The following LRRC20 variants were observed in gnomAD, a reference collection of about 807,000 sequenced individuals.
LRRC20 encodes leucine-rich repeat-containing protein 20.
In LRRC20, 11 loss-of-function variants were observed where a neutral mutation model predicts 14.4. The ratio of observed to expected loss-of-function variants is 0.77; its 90% CI spans 0.48 to 1.27. LRRC20 has a LOEUF of 1.27. LRRC20 is among the 50% of genes most tolerant of loss of function. The pLI is 0.00. For synonymous variants in LRRC20, 121 were observed against 107.3 expected (o/e 1.13, Z -0.79); for missense variants, 219 against 251.2 (o/e 0.87, Z 0.87).
intron 2 of LRRC20, among the ~76,000 whole-genome samples, chr10:70,358,314 C>T (rs949668171): frequency 6.6e-6 from 1 of 152,118 alleles, no homozygotes; most frequent in Non-Finnish European, 1.5e-5. Flanking sequence ...GGGCAGAGGG[C>T]GAGGGGGCAG....
At chr10:70,370,046 AAAAATAAT>A (rs1228151660) in intron 2 of LRRC20, among the ~76,000 whole-genome samples, 3 of 152,158 alleles carry the variant, frequency 2.0e-5, no homozygotes, top group African/African-American at 7.2e-5. Flanking sequence ...CTTGATAATA[AAAAATAAT>A]AAAATAATAA....
At position 70,309,544 on chromosome 10, in the gene LRRC20, C is replaced by T. The variant is rs12243851; in HGVS notation, c.401-8036G>A. On this transcript the variant is annotated intron_variant, in intron 4 of 4. Transcript: ENST00000446961. The stretch of plus-strand genomic sequence containing the variant: ...ACAATGACAGGCAAGTTTCACTGAG[C>T]GATTCAGTAAGGACTGAAGCCCGGG... 7.9e-3 allele frequency among the ~76,000 whole-genome samples: 1,208 copies of T among 152,328 alleles called. 16 individuals are homozygous for T. Among genetic ancestry groups the T allele is most frequent in the African/African-American group, 0.028 (1,152 of 41,572 alleles).
At chr10:70,377,530 G>A (rs1460965117) in intron 1 of LRRC20, among the ~76,000 whole-genome samples, 1 of 152,092 alleles carries the variant, frequency 6.6e-6, no homozygotes, top group African/African-American at 2.4e-5. Context: ...TATAAAAATA[G>A]CAGCACCCCA....
intron 4 of LRRC20, among the ~76,000 whole-genome samples, chr10:70,304,717 C>T (rs1475334327): frequency 1.3e-5 from 2 of 151,878 alleles, no homozygotes; most frequent in Non-Finnish European, 2.9e-5. Flanking sequence ...CCATCCCTCC[C>T]TCCTCCCAGC....
chr10:70,352,200 A>G (rs566475740), intron 2 of LRRC20, among the ~76,000 whole-genome samples: 132 of 150,472 alleles, frequency 8.8e-4, no homozygotes, highest in African/African-American at 3.0e-3. Flanking sequence ...GTTTCACTTA[A>G]TAACTTGTAA....
intron 2 of LRRC20, among the ~76,000 whole-genome samples, chr10:70,375,753 T>G (rs1209436993): frequency 2.2e-5 from 1 of 46,232 alleles, no homozygotes; most frequent in Non-Finnish European, 4.7e-5. Flanking sequence ...ACAAACACAC[T>G]CGGGCACATG....
At chr10:70,309,792 G>C (rs1841576313) in intron 4 of LRRC20, among the ~76,000 whole-genome samples, 1 of 152,264 alleles carries the variant, frequency 6.6e-6, no homozygotes, top group Admixed American at 6.5e-5. Context: ...ACAGTGGCTA[G>C]TACTTCTGAG....
chr10:70,344,032 C>A (rs962265159), intron 2 of LRRC20, among the ~76,000 whole-genome samples: 2 of 152,014 alleles, frequency 1.3e-5, no homozygotes, highest in African/African-American at 4.8e-5. Flanking sequence ...GACCCTGTCT[C>A]TACAGAAAAC....
At chr10:70,320,322 G>C (rs939483890) in intron 4 of LRRC20, among the ~76,000 whole-genome samples, 3 of 152,028 alleles carry the variant, frequency 2.0e-5, no homozygotes, top group African/African-American at 7.3e-5. Flanking sequence ...TAGATAGATA[G>C]ATAGATAGAT....
At chr10:70,358,349 C>T (rs1843605818) in intron 2 of LRRC20, among the ~76,000 whole-genome samples, 1 of 152,218 alleles carries the variant, frequency 6.6e-6, no homozygotes, top group Non-Finnish European at 1.5e-5. Flanking sequence ...GAGAGCCACA[C>T]CCGCTGAACC....
chr10:70,310,471 T>C (rs993006021), intron 4 of LRRC20, among the ~76,000 whole-genome samples: 1 of 152,138 alleles, frequency 6.6e-6, no homozygotes, highest in African/African-American at 2.4e-5. Context: ...AAATCCCAGC[T>C]CAAGGGCGGC....
chr10:70,340,683 C>A lies in LRRC20; in HGVS notation c.102G>T (p.Leu34=), dbSNP rs765281636. ...SDTLDLAECK[L]VSFPIGIYKV... is the part of the protein sequence containing the mutation. ...TGTAGATGCCAATGGGAAAGGAGACCAGCTTGCACTCGGCCAGGTCTGCAG... is the reference window on the plus strand; with the variant it reads ...TGTAGATGCCAATGGGAAAGGAGACAAGCTTGCACTCGGCCAGGTCTGCAG... Residue 34 remains leucine (L), a synonymous_variant, in exon 3 of 5, where the codon CTG becomes CTT. Transcript: ENST00000446961. 12 of 1,614,076 alleles carry A rather than the reference C, an allele frequency of 7.4e-6. No homozygotes were observed. Among genetic ancestry groups the A allele is most frequent in the Non-Finnish European group, 1.0e-5 (12 of 1,180,050 alleles).
At chr10:70,311,819 C>T (rs908240669) in intron 4 of LRRC20, among the ~76,000 whole-genome samples, 2 of 152,182 alleles carry the variant, frequency 1.3e-5, no homozygotes, top group Middle Eastern at 3.2e-3. Context: ...CCACTGTAGA[C>T]AGCCACCCTG....
chr10:70,306,102 G>GTCTCTCTC (rs55733521), intron 4 of LRRC20, among the ~76,000 whole-genome samples: 8 of 144,518 alleles, frequency 5.5e-5, no homozygotes, highest in African/African-American at 2.1e-4. Context: ...TGCATTTTCT[G>GTCTCTCTC]TCTCTCTCTC....
chr10:70,368,566 C>T lies in LRRC20; in HGVS notation c.82+7886G>A, dbSNP rs116066516. ...CAAGGATTACAGGCATCAGCCACCGCGCCCAGCCTGAATCTGCATTTTTTT... is the reference window on the plus strand; with the variant it reads ...CAAGGATTACAGGCATCAGCCACCGTGCCCAGCCTGAATCTGCATTTTTTT... On this transcript the variant is annotated intron_variant, in intron 2 of 4. Transcript: ENST00000446961. Among the ~76,000 whole-genome samples, 1,414 of 152,052 alleles carry T rather than the reference C, an allele frequency of 9.3e-3. 29 individuals are homozygous for T. Among genetic ancestry groups the T allele is most frequent in the African/African-American group, 0.033 (1,365 of 41,476 alleles).
chr10:70,327,014 C>A (rs1303948964), intron 3 of LRRC20, among the ~76,000 whole-genome samples: 2 of 152,134 alleles, frequency 1.3e-5, no homozygotes, highest in Non-Finnish European at 2.9e-5. Flanking sequence ...AGGCATGAGT[C>A]TAATTGTATT....
chr10:70,377,607 C>T (rs1333573155), intron 1 of LRRC20, among the ~76,000 whole-genome samples: 1 of 152,186 alleles, frequency 6.6e-6, no homozygotes, highest in Non-Finnish European at 1.5e-5. Context: ...CCAGTCCCAG[C>T]TTCACAGACA....
chr10:70,350,685 A>C (rs1346873550), intron 2 of LRRC20, among the ~76,000 whole-genome samples: 4 of 152,224 alleles, frequency 2.6e-5, no homozygotes, highest in Non-Finnish European at 5.9e-5. Context: ...CTGCCAACCA[A>C]GTCACAGGGC....
At chr10:70,372,050 T>C (rs1844294552) in intron 2 of LRRC20, among the ~76,000 whole-genome samples, 1 of 151,820 alleles carries the variant, frequency 6.6e-6, no homozygotes, top group Non-Finnish European at 1.5e-5. Context: ...CAGCAGCACC[T>C]GTGGCTCTGG....
Sources: gnomAD v4.1 joint callset for allele counts (sites outside exome capture counted in the v4.1 genomes callset) on GRCh38, gnomAD v4.1.1 for gene constraint, MANE v1.5 for transcripts, NCBI Gene and HGNC (gene_info 2026-07-23, HGNC 2026-07-21) for gene names.